The following ABCA12 variants were observed in gnomAD, a reference collection of about 807,000 sequenced individuals.
The protein encoded by ABCA12 is glucosylceramide transporter ABCA12.
In ABCA12, 156 loss-of-function variants were observed where a neutral mutation model predicts 293.5. The observed-to-expected ratio is 0.53, with a 90% CI of 0.47 to 0.61. The LOEUF is 0.61. Among genes scored for constraint, ABCA12 ranks in the 20% least tolerant of loss-of-function variants. ABCA12 has a pLI of 0.00. For synonymous variants in ABCA12, 1,063 were observed against 1,108.0 expected, an observed-to-expected ratio of 0.96 and a Z score of 0.81; for missense variants, 2,797 against 3,090.2, an observed-to-expected ratio of 0.91 and a Z score of 2.25.
At chr2:215,079,633 T>G (rs1223513761) in intron 2 of ABCA12, among the ~76,000 whole-genome samples, 1 of 152,238 alleles carries the variant, frequency 6.6e-6, no homozygotes, top group Non-Finnish European at 1.5e-5. Flanking sequence ...CCTCTTGTTT[T>G]GTTTCACTCA....
intron 8 of ABCA12, 52 bp from the exon 9 acceptor site, chr2:215,031,948 T>A: frequency 6.2e-7 from 1 of 1,609,458 alleles, no homozygotes; most frequent in South Asian, 1.1e-5. Flanking sequence ...TGCTTAAAGA[T>A]TTTTTTCCTC....
intron 2 of ABCA12, among the ~76,000 whole-genome samples, chr2:215,081,083 T>C (rs1443611565): frequency 6.6e-6 from 1 of 152,190 alleles, no homozygotes; most frequent in Non-Finnish European, 1.5e-5. Context: ...GAGAAATCAA[T>C]TACCCTCAGT....
chr2:215,012,546 AT>A (rs1700401089), intron 15 of ABCA12, among the ~76,000 whole-genome samples: 1 of 152,332 alleles, frequency 6.6e-6, no homozygotes, highest in East Asian at 1.9e-4. Flanking sequence ...AAGACCACAT[AT>A]TTCATGATTC....
At chr2:215,076,505 T>C (rs1325929217) in intron 2 of ABCA12, among the ~76,000 whole-genome samples, 1 of 152,140 alleles carries the variant, frequency 6.6e-6, no homozygotes, top group Admixed American at 6.6e-5. Flanking sequence ...TGGCAAAAGT[T>C]TAAAACACAA....
chr2:215,136,265 C>G (rs1305551888), intron 1 of ABCA12, among the ~76,000 whole-genome samples: 1 of 152,128 alleles, frequency 6.6e-6, no homozygotes, highest in Non-Finnish European at 1.5e-5. Context: ...GCTTGAAAAA[C>G]TTTTAATATC....
chr2:214,967,039 T>C (rs1410028298), intron 38 of ABCA12, 86 bp from the exon 39 acceptor site: 5 of 1,040,508 alleles, frequency 4.8e-6, no homozygotes, highest in Non-Finnish European at 5.9e-6. Flanking sequence ...CTTATTTATA[T>C]TTAAAATAAG....
At chr2:215,048,593 G>C (rs112147555) in intron 6 of ABCA12, among the ~76,000 whole-genome samples, 8,976 of 151,664 alleles carry the variant, frequency 0.059, 870 homozygotes, top group African/African-American at 0.2. Flanking sequence ...GTCCCAGCTA[G>C]TCGGGAGGCT....
At chr2:215,068,890 A>ATTTTATTATTTATTTTATTATTTTATTTT in intron 2 of ABCA12, among the ~76,000 whole-genome samples, 1 of 152,148 alleles carries the variant, frequency 6.6e-6, no homozygotes, top group Non-Finnish European at 1.5e-5. Context: ...CTGTCTAGAG[A>ATTTTATTATTTATTTTATTATTTTATTTT]AGTGCTATTT....
chr2:215,126,433 C>T (rs907908064), intron 1 of ABCA12, among the ~76,000 whole-genome samples: 2 of 152,080 alleles, frequency 1.3e-5, no homozygotes, highest in African/African-American at 4.8e-5. Context: ...TGGTCCTGGA[C>T]TTTATTTCTG....
chr2:214,988,219 C>G (rs1699829780), intron 26 of ABCA12, among the ~76,000 whole-genome samples: 1 of 152,096 alleles, frequency 6.6e-6, no homozygotes, highest in Non-Finnish European at 1.5e-5. Context: ...AATTTTGCCA[C>G]TTAGAAAAAC....
intron 36 of ABCA12, among the ~76,000 whole-genome samples, chr2:214,971,455 A>G (rs949492305): frequency 6.6e-6 from 1 of 152,194 alleles, no homozygotes; most frequent in African/African-American, 2.4e-5. Context: ...CCAACAACCA[A>G]GACAAGATAC....
Position 215,100,017 on chromosome 2 carries a change from T to TC in ABCA12, c.163+11579_163+11580insG, listed in dbSNP as rs1491505352. Among the ~76,000 whole-genome samples, 173 of 83,158 alleles carry TC rather than the reference T, an allele frequency of 2.1e-3. 1 individual carries two copies. The highest frequency in any genetic ancestry group is 7.8e-3 in the African/African-American group (138 of 17,658). 54.6% of individuals were successfully genotyped at this position (83,158 alleles called of 152,430 possible). On this transcript the variant is annotated intron_variant, in intron 2 of 52. Transcript: ENST00000272895. ...AAATTGATCTCTCTCTCTCTCTCTCTTTTTTTTTTTTTAAGAAACAGGGTC... is the reference window on the plus strand; with the variant it reads ...AAATTGATCTCTCTCTCTCTCTCTCTCTTTTTTTTTTTTAAGAAACAGGGTC...
chr2:214,958,560 G>T, intron 40 of ABCA12, 106 bp from the exon 41 acceptor site: 1 of 1,245,682 alleles, frequency 8.0e-7, no homozygotes, highest in Non-Finnish European at 1.1e-6. Context: ...ACAAGAGTTG[G>T]CTGTGACACA....
At position 215,013,619 on chromosome 2, in the gene ABCA12, G is replaced by A. The variant is rs72950238; in HGVS notation, c.1957-1484C>T. On this transcript the variant is annotated intron_variant, in intron 15 of 52. Coordinates refer to ENST00000272895, the MANE Select transcript of ABCA12 (RefSeq NM_173076.3). The stretch of plus-strand genomic sequence containing the variant: ...ATAAATTGGCATGCCGACGTTTAAC[G>A]GCTAGACTCAACAGCAAATATTTAG... The A allele has an allele frequency of 5.5e-3, 856 of 154,386 alleles. 4 individuals carry two copies. The highest frequency in any genetic ancestry group is 9.1e-3 in the Non-Finnish European group (622 of 68,186). The allele number at this position is 154,386 out of a possible 1,614,324, so 9.6% of individuals were successfully genotyped here.
rs1471964437 is a variant in ABCA12, at chr2:214,987,885, G to C, written c.3830-92C>G. On this transcript the variant is annotated intron_variant, in intron 26 of 52. Coordinates refer to ENST00000272895, the MANE Select transcript of ABCA12 (RefSeq NM_173076.3). ...AACAGTAGATCCTATGTATGGTTTA[G>C]GAAGTAGTTTTATTTTTTGACACTA... The C allele has an allele frequency of 7.4e-6, 11 of 1,494,014 alleles. 1 individual carries two copies. The highest frequency in any genetic ancestry group is 4.6e-4 in the Middle Eastern group (2 of 4,318). 92.5% of individuals were successfully genotyped at this position (1,494,014 alleles called of 1,614,324 possible).
chr2:215,112,427 C>T (rs1366491903), intron 1 of ABCA12, among the ~76,000 whole-genome samples: 5 of 149,062 alleles, frequency 3.4e-5, no homozygotes, highest in Non-Finnish European at 7.4e-5. Context: ...TTCCACCACT[C>T]GATGAAAAAT....
chr2:215,123,503 C>T (rs185091663), intron 1 of ABCA12, among the ~76,000 whole-genome samples: 183 of 152,218 alleles, frequency 1.2e-3, no homozygotes, highest in Middle Eastern at 6.8e-3. Context: ...GAACTGTTGG[C>T]GGACACTTAG....
chr2:215,011,073 C>G (rs933903491), intron 17 of ABCA12, among the ~76,000 whole-genome samples: 1 of 152,126 alleles, frequency 6.6e-6, no homozygotes, highest in Non-Finnish European at 1.5e-5. Flanking sequence ...TCAACCCAAA[C>G]AGATTTAAGG....
In ABCA12 at chr2:215,019,728, T is replaced by G. The variant is rs766654316; in HGVS notation, c.1356A>C (p.Ser452=). ...ESETFSLIEK[S]CQLSDMSFGS... ...CAAAGCTCATATCAGAGAGCTGGCA[T>G]GACTTCTCTATCAAACTGAAAGTTT... The change falls in exon 12 of 53, where the codon TCA becomes TCC. Residue 452 remains serine, a synonymous_variant. Transcript: ENST00000272895. 2 of 1,614,202 alleles carry G rather than the reference T, an allele frequency of 1.2e-6. No individual in the cohort carries two copies. Among genetic ancestry groups the G allele is most frequent in the South Asian group, 2.2e-5 (2 of 91,088 alleles).
Sources: gnomAD v4.1 joint callset for allele counts (sites outside exome capture counted in the v4.1 genomes callset) on GRCh38, gnomAD v4.1.1 for gene constraint, MANE v1.5 for transcripts, NCBI Gene and HGNC (gene_info 2026-07-23, HGNC 2026-07-21) for gene names.